The following DMXL2 variants were observed in gnomAD, a reference collection of about 807,000 sequenced individuals.
DMXL2 encodes the protein dmX-like protein 2.
A neutral mutation model predicts 331.1 loss-of-function variants in DMXL2; 103 were observed. The observed-to-expected ratio is 0.31, with a 90% CI of 0.27 to 0.37. DMXL2 has a LOEUF of 0.37. Among genes scored for constraint, DMXL2 ranks in the 10% least tolerant of loss-of-function variants. The pLI, the probability that DMXL2 is intolerant of heterozygous loss-of-function variation, is 1.00. For synonymous variants in DMXL2, 1,281 were observed against 1,252.1 expected, an observed-to-expected ratio of 1.02 and a Z score of -0.49; for missense variants, 3,171 against 3,642.9, an observed-to-expected ratio of 0.87 and a Z score of 3.33.
intron 23 of DMXL2, among the ~76,000 whole-genome samples, chr15:51,484,561 G>A (rs1046375829): frequency 7.9e-5 from 12 of 152,108 alleles, no homozygotes; most frequent in African/African-American, 2.9e-4. Context: ...ATAGTAACAA[G>A]TCTTTCCCTA....
At chr15:51,460,837 C>T (rs1015722749) in intron 33 of DMXL2, among the ~76,000 whole-genome samples, 4 of 152,016 alleles carry the variant, frequency 2.6e-5, no homozygotes, top group African/African-American at 4.8e-5. Context: ...TAATAAAACA[C>T]CTTTTTTTTC....
rs1326889701 is a variant in DMXL2 at position 51,481,116 on chromosome 15, A to G, written c.5990T>C (p.Val1997Ala). The change falls in exon 24 of 44, where the codon GTG (valine) becomes GCG (alanine). Residue 1997 changes from valine (V) to alanine (A), a missense_variant. Val to Ala is a moderately conservative substitution (Grantham distance 64, BLOSUM62 0). Transcript: ENST00000560891. ...DEEEDDAVGL[V>A]MKSTDAREKD... ...TTCCCTGGCATCTGTACTTTTCATC[A>G]CTAAACCAACAGCATCGTCTTCCTC... 6.2e-7 allele frequency: 1 copy of G among 1,612,156 alleles called. No homozygotes were observed. The highest frequency in any genetic ancestry group is 2.2e-5 in the East Asian group (1 of 44,820).
Position 51,514,453 on chromosome 15 carries a change from TG to T in DMXL2, c.2632del (p.Gln878SerfsTer17). ...MEKKETEIFF[Q>X]PSQGYRPPPF... ...TTTTTTTAAAGTACCTTGTGATGGC[TG>T]AAAAAATATTTCTGTTTCCTTTTTC... On this transcript the variant is annotated frameshift_variant, in exon 15 of 44. Coordinates refer to ENST00000560891, the MANE Select transcript of DMXL2 (RefSeq NM_001378457.1). LOFTEE classifies it high-confidence loss of function. 6.4e-7 allele frequency: 1 copy of T among 1,552,044 alleles called. No individual in the cohort carries two copies.
chr15:51,469,581 C>T (rs1323176332), intron 29 of DMXL2, among the ~76,000 whole-genome samples: 1 of 152,114 alleles, frequency 6.6e-6, no homozygotes, highest in Non-Finnish European at 1.5e-5. Context: ...CAGATGAGTG[C>T]TATTTCCCTT....
At position 51,597,379 on chromosome 15, in the gene DMXL2, A is replaced by G. The variant is rs183075174; in HGVS notation, c.88-21198T>C. 1.8e-3 allele frequency among the ~76,000 whole-genome samples: 276 copies of G among 150,278 alleles called. 7 individuals are homozygous for G. The East Asian group carries it at 0.048, about 26-fold the overall frequency. ...CAACCTCTGTATGCATGCCTAAACA[A>G]TATGGTTTAGTTTTGCCTCCCCTCT... On this transcript the variant is annotated intron_variant, in intron 1 of 43. Coordinates refer to ENST00000560891, the MANE Select transcript of DMXL2 (RefSeq NM_001378457.1).
intron 13 of DMXL2, among the ~76,000 whole-genome samples, chr15:51,533,387 T>C (rs1449859637): frequency 6.6e-6 from 1 of 152,060 alleles, no homozygotes; most frequent in African/African-American, 2.4e-5. Context: ...ATGCATATTA[T>C]AAAACCTTGA....
intron 9 of DMXL2, among the ~76,000 whole-genome samples, chr15:51,539,037 C>T (rs1263644051): frequency 6.6e-6 from 1 of 151,874 alleles, no homozygotes; most frequent in African/African-American, 2.4e-5. Flanking sequence ...CGGTGAAGCC[C>T]CATCTCTACT....
intron 1 of DMXL2, 38 bp from the exon 2 acceptor site, chr15:51,576,219 A>G (rs1306034523): frequency 6.3e-6 from 8 of 1,262,130 alleles, no homozygotes; most frequent in Non-Finnish European, 8.4e-6. Context: ...ACAATACATA[A>G]GATATGTAAC....
chr15:51,611,659 C>T (rs2053978853), intron 1 of DMXL2, among the ~76,000 whole-genome samples: 2 of 152,134 alleles, frequency 1.3e-5, no homozygotes, highest in Non-Finnish European at 2.9e-5. Context: ...ACTAGGTGGC[C>T]TTCATTAAAT....
intron 33 of DMXL2, among the ~76,000 whole-genome samples, chr15:51,461,543 A>G (rs1168802854): frequency 6.6e-6 from 1 of 152,184 alleles, no homozygotes; most frequent in Non-Finnish European, 1.5e-5. Flanking sequence ...CAGAGCCCCT[A>G]ATTGACCAGA....
intron 22 of DMXL2, among the ~76,000 whole-genome samples, chr15:51,487,178 T>C (rs572056466): frequency 6.6e-6 from 1 of 152,264 alleles, no homozygotes; most frequent in South Asian, 2.1e-4. Flanking sequence ...AGTGGGAAGT[T>C]TTACCTCCTC....
chr15:51,568,538 A>T lies in DMXL2; in HGVS notation c.234T>A (p.Asn78Lys), dbSNP rs1281168770. ...QQGRIAASYG[N>K]AVCIFEPLGI... The stretch of plus-strand genomic sequence containing the variant: ...CCAAGGGCTCAAATATACAAACAGC[A>T]TTACCATATGAAGCTGCAATCTAAA... Residue 78 changes from asparagine (N) to lysine (K), a missense_variant, in exon 3 of 44, where the codon AAT becomes AAA. Asn to Lys is a moderately conservative substitution (Grantham distance 94). This residue lies in a region of DMXL2 where 1,674 missense variants were observed against 1,780.2 expected (regional missense o/e 0.94). Coordinates refer to ENST00000560891, the MANE Select transcript of DMXL2 (RefSeq NM_001378457.1). The T allele has an allele frequency of 3.8e-6, 6 of 1,581,078 alleles. No individual in the cohort carries two copies. Among genetic ancestry groups the T allele is most frequent in the Non-Finnish European group, 5.1e-6 (6 of 1,170,420 alleles).
At chr15:51,593,195 G>T (rs1484723785) in intron 1 of DMXL2, among the ~76,000 whole-genome samples, 3 of 152,050 alleles carry the variant, frequency 2.0e-5, no homozygotes, top group Non-Finnish European at 4.4e-5. Flanking sequence ...ACACACATAC[G>T]CTCAAAACAA....
rs749487323 is a variant in DMXL2, at chr15:51,456,146, G to A, written c.8446C>T (p.Arg2816Trp). 19 of 1,614,088 alleles carry A rather than the reference G, an allele frequency of 1.2e-5. No homozygotes were observed. The highest frequency in any genetic ancestry group is 5.0e-5 in the Admixed American group (3 of 60,026). Residue 2816 changes from arginine (R) to tryptophan (W), a missense_variant, in exon 39 of 44, where the codon CGG becomes TGG. By Grantham distance (101) the Arg-to-Trp change is moderately radical (BLOSUM62 -3). Around this residue, in one of 7 missense-constraint regions of DMXL2, gnomAD observed 766 missense variants for 940.5 expected, o/e 0.81. Transcript: ENST00000560891. The part of the protein sequence containing the change: ...DGSVRMFEWT[R>W]PQQLVCFRQA... ...CGAAAGCAGACAAGTTGCTGAGGCC[G>A]CGTCCATTCAAACATTCGTACACTG... is the stretch of plus-strand genomic sequence containing the variant.
chr15:51,592,293 G>A (rs555338502), intron 1 of DMXL2, among the ~76,000 whole-genome samples: 1 of 152,152 alleles, frequency 6.6e-6, no homozygotes, highest in Non-Finnish European at 1.5e-5. Flanking sequence ...TCGCTGATTC[G>A]ATCAACTGGA....
At chr15:51,515,056 TC>T (rs1294642360) in intron 14 of DMXL2, among the ~76,000 whole-genome samples, 3 of 152,094 alleles carry the variant, frequency 2.0e-5, no homozygotes, top group Admixed American at 2.0e-4. Context: ...AATAGCTCTG[TC>T]TAGTGGGAAT....
chr15:51,538,089 A>T, intron 10 of DMXL2, 124 bp downstream of exon 10: 1 of 1,239,192 alleles, frequency 8.1e-7, no homozygotes, highest in Non-Finnish European at 1.1e-6. Flanking sequence ...GTCAGTAAAT[A>T]CTTGTGTAAC....
rs764361205 is a variant in DMXL2 at position 51,536,156 on chromosome 15, G to T, written c.2314+10C>A. 1.3e-6 allele frequency: 2 copies of T among 1,536,240 alleles called. No individual in the cohort carries two copies. The highest frequency in any genetic ancestry group is 2.3e-5 in the East Asian group (1 of 44,242). On this transcript the variant is annotated intron_variant, in intron 12 of 43. Coordinates refer to ENST00000560891, the MANE Select transcript of DMXL2 (RefSeq NM_001378457.1). ...CTTGTGTTAATTTCACAATTACAAT[G>T]AACACTTACCTAGACAGTAACTGGG...
chr15:51,460,504 A>G (rs544552667), intron 33 of DMXL2: 23 of 353,150 alleles, frequency 6.5e-5, no homozygotes, highest in Non-Finnish European at 8.7e-5. Context: ...TCTGTTTCCC[A>G]AAAACTTGTT....
Sources: allele counts gnomAD v4.1 joint callset (sites outside exome capture counted in the v4.1 genomes callset), GRCh38; gene constraint gnomAD v4.1.1; regional missense constraint gnomAD v4.1.1; transcripts MANE v1.5; gene names NCBI Gene and HGNC (gene_info 2026-07-23, HGNC 2026-07-21).